The following ANXA10 variants were observed in gnomAD, a reference collection of about 807,000 sequenced individuals.
ANXA10 encodes annexin 14.
In ANXA10, 49 loss-of-function variants were observed where a neutral mutation model predicts 53.5. The observed-to-expected ratio is 0.92, with a 90% CI of 0.73 to 1.16. ANXA10 has a LOEUF of 1.16. ANXA10 is among the 50% of genes most tolerant of loss of function. ANXA10 has a pLI of 0.00. For synonymous variants in ANXA10, 131 were observed against 128.9 expected, an observed-to-expected ratio of 1.02 and a Z score of -0.11; for missense variants, 393 against 394.4, an observed-to-expected ratio of 1.00 and a Z score of 0.03.
chr4:168,133,153 C>T (rs954809872), intron 2 of ANXA10, among the ~76,000 whole-genome samples: 7 of 151,952 alleles, frequency 4.6e-5, no homozygotes, highest in East Asian at 1.9e-4. Flanking sequence ...TTTAAAATGG[C>T]CCCAAGCATA....
At chr4:168,117,099 T>C (rs755914416) in intron 1 of ANXA10, among the ~76,000 whole-genome samples, 1 of 151,932 alleles carries the variant, frequency 6.6e-6, no homozygotes, top group Non-Finnish European at 1.5e-5. Flanking sequence ...CATAAAATAA[T>C]AAGTACTCAG....
intron 3 of ANXA10, among the ~76,000 whole-genome samples, chr4:168,155,461 A>T (rs867988028): frequency 6.7e-4 from 18 of 26,706 alleles, no homozygotes; most frequent in Middle Eastern, 0.015. Context: ...TATATTTTAT[A>T]ATATATAATT....
intron 1 of ANXA10, among the ~76,000 whole-genome samples, chr4:168,124,552 G>T (rs1165727271): frequency 6.6e-6 from 1 of 152,180 alleles, no homozygotes; most frequent in Non-Finnish European, 1.5e-5. Context: ...CATTGAAAAT[G>T]TTTAATATTG....
intron 5 of ANXA10, 40 bp downstream of exon 5, chr4:168,164,328 A>G (rs201744344): frequency 7.1e-7 from 1 of 1,403,008 alleles, no homozygotes; most frequent in South Asian, 1.2e-5. Context: ...TTACACATAT[A>G]AGAACTTTAT....
chr4:168,145,944 AC>A (rs1351062668), intron 3 of ANXA10, among the ~76,000 whole-genome samples: 1 of 151,148 alleles, frequency 6.6e-6, no homozygotes, highest in African/African-American at 2.4e-5. Flanking sequence ...TTTCTTTGAG[AC>A]AGAGTCTTGC....
At chr4:168,167,082 T>C (rs943777140) in intron 6 of ANXA10, among the ~76,000 whole-genome samples, 33 of 152,138 alleles carry the variant, frequency 2.2e-4, no homozygotes, top group African/African-American at 7.7e-4. Context: ...CCAGTCCCAA[T>C]TGCTTCCATG....
chr4:168,137,584 ATG>A (rs1296444819), intron 2 of ANXA10, among the ~76,000 whole-genome samples: 2 of 152,128 alleles, frequency 1.3e-5, no homozygotes, highest in Non-Finnish European at 2.9e-5. Flanking sequence ...GATTCTATCT[ATG>A]TTGCTGCAAA....
chr4:168,182,663 C>T (rs1373477541), intron 10 of ANXA10, among the ~76,000 whole-genome samples: 1 of 148,432 alleles, frequency 6.7e-6, no homozygotes, highest in African/African-American at 2.5e-5. Context: ...AAAACAAACA[C>T]TTAAGTGCAT....
chr4:168,159,961 G>A (rs1471312065), intron 3 of ANXA10, among the ~76,000 whole-genome samples: 2 of 152,096 alleles, frequency 1.3e-5, no homozygotes, highest in African/African-American at 4.8e-5. Flanking sequence ...AACTGAATAT[G>A]CTTTACACAG....
intron 7 of ANXA10, 44 bp from the exon 8 acceptor site, chr4:168,177,846 C>G (rs182196304): frequency 6.2e-7 from 1 of 1,613,816 alleles, no homozygotes; most frequent in East Asian, 2.2e-5. Context: ...TTAAAATGGG[C>G]TGGAGTGGTT....
At chr4:168,117,019 G>C (rs1730905722) in intron 1 of ANXA10, among the ~76,000 whole-genome samples, 1 of 36,456 alleles carries the variant, frequency 2.7e-5, no homozygotes, top group Non-Finnish European at 6.4e-5. Context: ...ACTATGTGGT[G>C]TTATTAACAG....
rs1386958249 is a variant in ANXA10, at chr4:168,179,299, G to A, written c.711G>A (p.Leu237=). The A allele has an allele frequency of 6.2e-7, 1 of 1,608,036 alleles. No individual in the cohort carries two copies. The highest frequency in any genetic ancestry group is 1.7e-5 in the Admixed American group (1 of 59,832). Reference sequence around the variant, plus strand: ...GTTATGATGGATACTTTCAGGAGCTGCTGGTTGCAATTGGTAAGTAATAAA... The same window carrying A: ...GTTATGATGGATACTTTCAGGAGCTACTGGTTGCAATTGGTAAGTAATAAA... ...NECYDGYFQE[L]LVAIVLCVRD... Residue 237 remains leucine, a synonymous_variant, in exon 9 of 12, where the codon CTG becomes CTA. Transcript: ENST00000359299.
intron 11 of ANXA10, 21 bp downstream of exon 11, chr4:168,184,702 T>G (rs1248812878): frequency 6.2e-7 from 1 of 1,610,836 alleles, no homozygotes; most frequent in Non-Finnish European, 8.5e-7. Flanking sequence ...GACACATGAT[T>G]TATTTGGACC....
At chr4:168,152,877 G>T (rs998871487) in intron 3 of ANXA10, among the ~76,000 whole-genome samples, 3 of 151,276 alleles carry the variant, frequency 2.0e-5, no homozygotes, top group Non-Finnish European at 2.9e-5. Flanking sequence ...AGGTCTCACA[G>T]TTAGTCACTA....
chr4:168,167,348 C>T (rs1731899298), intron 6 of ANXA10, among the ~76,000 whole-genome samples: 1 of 152,176 alleles, frequency 6.6e-6, no homozygotes, highest in African/African-American at 2.4e-5. Context: ...ATGTAACACA[C>T]TTTATTGTAA....
rs181487892 is a variant in ANXA10 at position 168,119,707 on chromosome 4, G to C, written c.19-8377G>C. On this transcript the variant is annotated intron_variant, in intron 1 of 11. Coordinates refer to ENST00000359299, the MANE Select transcript of ANXA10 (RefSeq NM_007193.5). Reference sequence around the variant, plus strand: ...AGTTACAAGCCCAGCCAAAGTGCTAGGCCTTGAACTTTGAGAAATAGAAAG... The same window carrying C: ...AGTTACAAGCCCAGCCAAAGTGCTACGCCTTGAACTTTGAGAAATAGAAAG... Among the ~76,000 whole-genome samples, 626 of 152,204 alleles carry C rather than the reference G, an allele frequency of 4.1e-3. 5 individuals are homozygous for C. The highest frequency in any genetic ancestry group is 8.1e-3 in the Admixed American group (124 of 15,280).
chr4:168,157,653 T>C (rs1731712342), intron 3 of ANXA10, among the ~76,000 whole-genome samples: 1 of 152,184 alleles, frequency 6.6e-6, no homozygotes, highest in Admixed American at 6.5e-5. Context: ...AAACCACTGA[T>C]CTGCTTTCTA....
intron 3 of ANXA10, among the ~76,000 whole-genome samples, chr4:168,152,056 G>C (rs936125763): frequency 6.6e-6 from 1 of 152,198 alleles, no homozygotes; most frequent in Non-Finnish European, 1.5e-5. Context: ...TGAAATAGCC[G>C]TGAAGAAAAC....
chr4:168,104,048 C>T (rs1464391498), intron 1 of ANXA10, among the ~76,000 whole-genome samples: 1 of 151,772 alleles, frequency 6.6e-6, no homozygotes, highest in East Asian at 1.9e-4. Context: ...TTGTAGATGT[C>T]TTTTACCAAA....
Sources: gnomAD v4.1 joint callset for allele counts (sites outside exome capture counted in the v4.1 genomes callset) on GRCh38, gnomAD v4.1.1 for gene constraint, MANE v1.5 for transcripts, NCBI Gene and HGNC (gene_info 2026-07-23, HGNC 2026-07-21) for gene names.